Variants in CREM observed in about 807,000 individuals in gnomAD.
The protein encoded by CREM is cAMP responsive element modulator.
In CREM, 13 loss-of-function variants were observed where a neutral mutation model predicts 37.3. The ratio of observed to expected loss-of-function variants is 0.35; its 90% CI spans 0.23 to 0.55. The LOEUF is 0.55. CREM is among the 20% of genes least tolerant of loss of function. CREM has a pLI of 0.88. For missense variants in CREM, 296 were observed against 362.3 expected, an observed-to-expected ratio of 0.82 and a Z score of 1.49; for synonymous variants, 124 against 120.2, an observed-to-expected ratio of 1.03 and a Z score of -0.21.
At chr10:35,206,043 T>G (rs529484396) in intron 6 of CREM, among the ~76,000 whole-genome samples, 253 of 151,374 alleles carry the variant, frequency 1.7e-3, no homozygotes, top group Non-Finnish European at 3.0e-3. Context: ...GGTCAGGAGA[T>G]TGAGACCATC....
intron 2 of CREM, among the ~76,000 whole-genome samples, chr10:35,142,021 A>C (rs1444628377): frequency 6.6e-6 from 1 of 152,212 alleles, no homozygotes; most frequent in Non-Finnish European, 1.5e-5. Flanking sequence ...GAGATTAGTT[A>C]CCATTTCTAG....
intron 6 of CREM, among the ~76,000 whole-genome samples, chr10:35,189,485 CTTGCTTGT>C (rs952452188): frequency 1.7e-4 from 25 of 145,810 alleles, no homozygotes; most frequent in African/African-American, 6.4e-4. Flanking sequence ...TAAAAATTTG[CTTGCTTGT>C]TTGTTTGTTT....
chr10:35,176,700 C>T (rs894199195), intron 3 of CREM, among the ~76,000 whole-genome samples: 1 of 151,566 alleles, frequency 6.6e-6, no homozygotes, highest in Admixed American at 6.6e-5. Context: ...TGAGCCACTG[C>T]GCCCAGCCAG....
At chr10:35,166,841 AC>A (rs1483034467) in intron 3 of CREM, among the ~76,000 whole-genome samples, 1 of 152,074 alleles carries the variant, frequency 6.6e-6, no homozygotes, top group African/African-American at 2.4e-5. Flanking sequence ...ATCAAATATG[AC>A]TTTTAAAAAT....
At position 35,188,969 on chromosome 10, in the gene CREM, C is replaced by T. The variant is rs369607736; in HGVS notation, c.598+581C>T. Among the ~76,000 whole-genome samples the T allele has an allele frequency of 5.3e-5, 8 of 152,074 alleles. No individual in the cohort carries two copies. In the South Asian group the frequency reaches 1.5e-3, roughly 28 times the overall value. ...GATTACAGACGTGAGCCACCGCACCCGGCCACATGAATGAATTTTTAAATT... is the reference window on the plus strand; with the variant it reads ...GATTACAGACGTGAGCCACCGCACCTGGCCACATGAATGAATTTTTAAATT... On this transcript the variant is annotated intron_variant, in intron 6 of 7. Coordinates refer to ENST00000685392, the MANE Select transcript of CREM (RefSeq NM_183011.2).
At chr10:35,182,432 G>T (rs1448242580) in intron 5 of CREM, among the ~76,000 whole-genome samples, 2 of 151,160 alleles carry the variant, frequency 1.3e-5, no homozygotes, top group African/African-American at 4.9e-5. Flanking sequence ...AAAATTTTAG[G>T]TTTAATTGTT....
intron 3 of CREM, among the ~76,000 whole-genome samples, chr10:35,150,714 G>A (rs1479602572): frequency 3.9e-5 from 6 of 152,204 alleles, no homozygotes; most frequent in African/African-American, 1.4e-4. Flanking sequence ...GCAGCTGCTC[G>A]GGAGGCTGAG....
chr10:35,182,051 A>G (rs1245520833), intron 5 of CREM, among the ~76,000 whole-genome samples: 1 of 152,206 alleles, frequency 6.6e-6, no homozygotes, highest in Admixed American at 6.5e-5. Flanking sequence ...TGTTCACACA[A>G]TGTGAATTTC....
intron 1 of CREM, chr10:35,127,394 C>CGCTCGGCGCCCCCGAGGCCGCCG (rs2088031353): frequency 6.6e-6 from 1 of 152,024 alleles, no homozygotes; most frequent in East Asian, 1.9e-4. Flanking sequence ...CGCGGCCCCT[C>CGCTCGGCGCCCCCGAGGCCGCCG]GCTCGGCGCC....
At chr10:35,186,846 G>A (rs185339920) in intron 5 of CREM, among the ~76,000 whole-genome samples, 6 of 107,402 alleles carry the variant, frequency 5.6e-5, no homozygotes, top group Admixed American at 1.3e-4. Context: ...GTATATATAC[G>A]TATATATGTT....
Position 35,179,098 on chromosome 10 carries a change from T to C in CREM, c.267-36T>C, listed in dbSNP as rs894621806. The stretch of plus-strand genomic sequence containing the variant: ...TTTTCTGTTTTAAGACTTATTCATG[T>C]ATCTTAGTGACTTACCTTGTTAAAT... On this transcript the variant is annotated intron_variant, in intron 4 of 7. Transcript: ENST00000685392. The C allele has an allele frequency of 3.2e-6, 5 of 1,568,810 alleles. No homozygotes were observed. The African/African-American group carries it at 6.8e-5, about 21-fold the overall frequency.
chr10:35,190,152 T>G (rs966891681), intron 6 of CREM, among the ~76,000 whole-genome samples: 5 of 152,224 alleles, frequency 3.3e-5, no homozygotes, highest in Admixed American at 1.3e-4. Flanking sequence ...CAACAGAGTT[T>G]TGAGAATTTT....
chr10:35,133,624 A>T (rs2135459861), intron 1 of CREM, among the ~76,000 whole-genome samples: 1 of 152,352 alleles, frequency 6.6e-6, no homozygotes, highest in South Asian at 2.1e-4. Context: ...TAAAGCAGAA[A>T]AAGCAAAACT....
At position 35,194,097 on chromosome 10, in the gene CREM, CAAAAAAAAAAA is replaced by C. The variant is rs371978117; in HGVS notation, c.598+5726_598+5736del. Among the ~76,000 whole-genome samples the C allele has an allele frequency of 4.0e-4, 10 of 25,052 alleles. 1 individual carries two copies. The highest frequency in any genetic ancestry group is 6.7e-4 in the African/African-American group (4 of 6,000). The allele number at this position is 25,052 out of a possible 152,430, so 16.4% of individuals were successfully genotyped here. A position where few individuals can be genotyped will look rare whatever the true frequency, so the allele number is the denominator to read the frequency against. ...GGGGGAGAATAGCGAGACTTCATCT[CAAAAAAAAAAA>C]AAAAAAAAAAAAAAAAGACAAAAGG... On this transcript the variant is annotated intron_variant, in intron 6 of 7. Transcript: ENST00000685392.
Position 35,212,303 on chromosome 10 carries a change from T to TA in CREM, c.*916dup, listed in dbSNP as rs11289474. 4,562 of 148,926 alleles carry TA rather than the reference T, an allele frequency of 0.031. 227 individuals are homozygous for TA. The highest frequency in any genetic ancestry group is 0.11 in the African/African-American group (4,312 of 40,738). 9.2% of individuals were successfully genotyped at this position (148,926 alleles called of 1,614,324 possible). ...CAGATTTTTATATTAGTTGCTTTGT[T>TA]AAAAAAAAAAAGATTGTATTGCTGT... On this transcript the variant is annotated 3_prime_UTR_variant, in exon 8 of 8. Transcript: ENST00000685392.
chr10:35,146,777 G>A (rs1388527428), intron 2 of CREM, among the ~76,000 whole-genome samples: 2 of 152,198 alleles, frequency 1.3e-5, no homozygotes, highest in African/African-American at 4.8e-5. Flanking sequence ...ATAGCAGACA[G>A]GTTTGAGCAT....
chr10:35,198,522 CAAAA>C (rs1224904326), intron 6 of CREM, among the ~76,000 whole-genome samples: 1 of 93,106 alleles, frequency 1.1e-5, no homozygotes, highest in Admixed American at 1.1e-4. Context: ...GACTCCATCT[CAAAA>C]AAAAAAAAAA....
intron 2 of CREM, among the ~76,000 whole-genome samples, chr10:35,145,167 A>AAAG (rs200877694): frequency 6.8e-5 from 10 of 147,894 alleles, no homozygotes; most frequent in Non-Finnish European, 1.4e-4. Flanking sequence ...TCTCAAAAAA[A>AAAG]AAAAAAAAAA....
At chr10:35,197,365 T>A (rs1318068431) in intron 6 of CREM, among the ~76,000 whole-genome samples, 2 of 151,884 alleles carry the variant, frequency 1.3e-5, no homozygotes. Context: ...GGTCATTTCT[T>A]ACAGAATCAG....
Sources: gnomAD v4.1 joint callset for allele counts (sites outside exome capture counted in the v4.1 genomes callset) on GRCh38, gnomAD v4.1.1 for gene constraint, MANE v1.5 for transcripts, NCBI Gene and HGNC (gene_info 2026-07-23, HGNC 2026-07-21) for gene names.